The following C5orf58 variants were observed in gnomAD, a reference collection of about 807,000 sequenced individuals.
C5orf58 encodes putative uncharacterized protein C5orf58.
A neutral mutation model predicts 2.9 loss-of-function variants in C5orf58; 2 were observed. The ratio of observed to expected loss-of-function variants is 0.69; its 90% confidence interval spans 0.28 to 2.18. C5orf58 has a LOEUF of 2.18. C5orf58 is among the 30% of genes most tolerant of loss of function. C5orf58 has a pLI of 0.13. For synonymous variants in C5orf58, 37 were observed against 33.4 expected (o/e 1.11, Z -0.37); for missense variants, 96 against 91.7 (o/e 1.05, Z -0.19).
chr5:170,248,095 A>T (rs560906991), downstream of C5orf58: 6 of 152,288 alleles, frequency 3.9e-5, no homozygotes, highest in African/African-American at 1.4e-4. Flanking sequence ...AAAGCAAAAG[A>T]CTATTTTAAT....
chr5:170,243,071 C>T (rs201759396), intron 3 of C5orf58, among the ~76,000 whole-genome samples: 2 of 149,440 alleles, frequency 1.3e-5, no homozygotes, highest in Non-Finnish European at 3.0e-5. Context: ...GTTCAGTTTC[C>T]ATGTAGTTGA....
Position 170,233,014 on chromosome 5 carries a change from A to G in C5orf58, c.-85+7A>G, listed in dbSNP as rs974968843. 5.1e-6 allele frequency: 5 copies of G among 979,374 alleles called. No homozygotes were observed. Among genetic ancestry groups the G allele is most frequent in the East Asian group, 2.3e-4 (2 of 8,780 alleles). The allele number at this position is 979,374 out of a possible 1,614,324, so 60.7% of individuals were successfully genotyped here. A position where few individuals can be genotyped will look rare whatever the true frequency, so the allele number is the denominator to read the frequency against. ...CTCGGTGACGGTTGGCCAGGTGGGTAGTGACGGCTGCTCGGTCTTGAAGGA... is the reference window on the plus strand; with the variant it reads ...CTCGGTGACGGTTGGCCAGGTGGGTGGTGACGGCTGCTCGGTCTTGAAGGA... On this transcript the variant is annotated splice_region_variant and intron_variant, in intron 1 of 3. Coordinates refer to ENST00000593851, the MANE Select transcript of C5orf58 (RefSeq NM_001102609.3).
At chr5:170,247,347 T>C (rs528572485), downstream of C5orf58, 1 of 152,376 alleles carries the variant, frequency 6.6e-6, no homozygotes, top group South Asian at 2.1e-4. Context: ...ACCTTCTGCA[T>C]ACTCCTTATT....
chr5:170,251,080 TTTGTTA>T, downstream of C5orf58: 1 of 521,432 alleles, frequency 1.9e-6, no homozygotes, highest in Non-Finnish European at 3.4e-6. Context: ...CATGAGTTAT[TTTGTTA>T]TTAAGAAAGG....
At chr5:170,250,972 T>A, downstream of C5orf58, 1 of 1,047,270 alleles carries the variant, frequency 9.5e-7, no homozygotes, top group East Asian at 2.5e-5. Context: ...CCTCTAGGGA[T>A]CTGACAAACA....
At chr5:170,250,450 C>T (rs1158423905), downstream of C5orf58, among the ~76,000 whole-genome samples, 2 of 152,052 alleles carry the variant, frequency 1.3e-5, no homozygotes, top group African/African-American at 4.8e-5. Flanking sequence ...CCTTTGACAC[C>T]ATCTAAATAG....
intron 3 of C5orf58, among the ~76,000 whole-genome samples, chr5:170,240,930 T>C (rs1157935575): frequency 6.6e-6 from 1 of 151,900 alleles, no homozygotes; most frequent in Non-Finnish European, 1.5e-5. Flanking sequence ...AAGTCTTTAA[T>C]CCATCTTGAA....
At chr5:170,241,426 A>G (rs935688656) in intron 3 of C5orf58, among the ~76,000 whole-genome samples, 23 of 151,424 alleles carry the variant, frequency 1.5e-4, no homozygotes, top group African/African-American at 5.6e-4. Context: ...ATGTTCTTCC[A>G]TTTCTTTGTA....
intron 3 of C5orf58, among the ~76,000 whole-genome samples, chr5:170,239,816 GC>G (rs1303828184): frequency 6.6e-6 from 1 of 151,622 alleles, no homozygotes; most frequent in Non-Finnish European, 1.5e-5. Flanking sequence ...GGGTACATGT[GC>G]ACATTGTGCA....
chr5:170,233,760 C>T (rs778101938), intron 1 of C5orf58: 17 of 207,136 alleles, frequency 8.2e-5, no homozygotes, highest in African/African-American at 1.7e-4. Flanking sequence ...TGACCCAGAC[C>T]TGTCCTGCCT....
rs554229578 is a variant in C5orf58 at position 170,245,818 on chromosome 5, G to C, written c.95-144G>C. 305 of 762,790 alleles carry C rather than the reference G, an allele frequency of 4.0e-4. 3 individuals carry two copies. In the South Asian group the frequency reaches 6.1e-3, roughly 15 times the overall value. 47.3% of individuals were successfully genotyped at this position (762,790 alleles called of 1,614,324 possible). ...CTCGAGAGCATAAATCTTATTTTAA[G>C]TCAGAATGGGACACACTTAAGTTGT... On this transcript the variant is annotated intron_variant, in intron 3 of 3. Coordinates refer to ENST00000593851, the MANE Select transcript of C5orf58 (RefSeq NM_001102609.3).
intron 3 of C5orf58, among the ~76,000 whole-genome samples, chr5:170,242,921 A>G (rs1229477560): frequency 7.0e-6 from 1 of 142,578 alleles, no homozygotes. Context: ...ATTTAGTGCT[A>G]TAAATTTCCC....
At chr5:170,247,104 G>A (rs544913277), downstream of C5orf58, 3 of 152,300 alleles carry the variant, frequency 2.0e-5, no homozygotes, top group African/African-American at 4.8e-5. Context: ...GAGCTTACTC[G>A]ATACTAGAAC....
intron 3 of C5orf58, among the ~76,000 whole-genome samples, chr5:170,243,985 ATC>A: frequency 7.1e-6 from 1 of 141,714 alleles, no homozygotes; most frequent in African/African-American, 2.6e-5. Context: ...TGGTGACAAA[ATC>A]TCTCAGCATT....
intron 3 of C5orf58, among the ~76,000 whole-genome samples, chr5:170,242,661 T>A (rs1419883611): frequency 8.0e-6 from 1 of 125,122 alleles, no homozygotes; most frequent in Non-Finnish European, 1.7e-5. Context: ...TATTGGATTC[T>A]TCTCTCTTTT....
intron 3 of C5orf58, among the ~76,000 whole-genome samples, chr5:170,244,424 C>G (rs1410677640): frequency 6.8e-6 from 1 of 147,850 alleles, no homozygotes; most frequent in African/African-American, 2.5e-5. Context: ...ACCAATCAGA[C>G]GTAGATTTGG....
intron 3 of C5orf58, among the ~76,000 whole-genome samples, chr5:170,245,530 G>A (rs1442759758): frequency 2.0e-5 from 3 of 152,158 alleles, no homozygotes; most frequent in Admixed American, 6.5e-5. Flanking sequence ...GGAGTGACCC[G>A]ATTTTCCAGG....
chr5:170,245,856 A>G, intron 3 of C5orf58, 106 bp from the exon 4 acceptor site: 2 of 1,127,252 alleles, frequency 1.8e-6, no homozygotes, highest in Non-Finnish European at 2.6e-6. Flanking sequence ...TTTGATCACT[A>G]ATCACTTGGA....
intron 3 of C5orf58, among the ~76,000 whole-genome samples, chr5:170,242,731 T>A (rs1761072836): frequency 6.6e-6 from 1 of 150,552 alleles, no homozygotes; most frequent in Admixed American, 6.6e-5. Flanking sequence ...AAAAACCAGC[T>A]CCTGGATTCA....
Sources: allele counts gnomAD v4.1 joint callset (sites outside exome capture counted in the v4.1 genomes callset), GRCh38; gene constraint gnomAD v4.1.1; transcripts MANE v1.5; gene names NCBI Gene and HGNC (gene_info 2026-07-23, HGNC 2026-07-21).